The following IVD variants were observed in gnomAD, a reference collection of about 807,000 sequenced individuals.
IVD encodes the protein isovaleryl-CoA dehydrogenase, mitochondrial.
In IVD, 31 loss-of-function variants were observed where a neutral mutation model predicts 51.3. The ratio of observed to expected loss-of-function variants is 0.60; its 90% CI spans 0.45 to 0.81. The LOEUF (loss-of-function observed/expected upper bound fraction) is 0.81. Ranked by LOEUF, IVD falls within the 40% of genes least tolerant of loss-of-function variation. IVD has a pLI of 0.00. For synonymous variants in IVD, 205 were observed against 219.4 expected, an observed-to-expected ratio of 0.93 and a Z score of 0.58; for missense variants, 475 against 552.0, an observed-to-expected ratio of 0.86 and a Z score of 1.40.
At chr15:40,428,972 T>C (rs149435771), downstream of IVD, among the ~76,000 whole-genome samples, 1,179 of 152,266 alleles carry the variant, frequency 7.7e-3, 12 homozygotes, top group Non-Finnish European at 0.012. Flanking sequence ...GTCCCAATTC[T>C]GCATTCCCCT....
rs1891046542 is a variant in IVD at position 40,411,263 on chromosome 15, A to G, written c.460A>G (p.Ile154Val). 1 of 1,614,000 alleles carries G rather than the reference A, an allele frequency of 6.2e-7. No homozygotes were observed. Among genetic ancestry groups the G allele is most frequent in the African/African-American group, 1.3e-5 (1 of 74,906 alleles). The change falls in exon 5 of 12, where the codon ATC (isoleucine) becomes GTC (valine). Residue 154 changes from isoleucine to valine, a missense_variant. Coordinates refer to ENST00000487418, the MANE Select transcript of IVD (RefSeq NM_002225.5). ...CTGTTGGGGGTTTTCCTTGCAGCTG[A>G]TCAGTGGTGAGTACATCGGAGCCCT... ...AQKEKYLPKLISGEYIGALAM... is the reference protein window; with the variant it reads ...AQKEKYLPKLVSGEYIGALAM...
intron 11 of IVD, 67 bp from the exon 12 acceptor site, chr15:40,418,063 G>T: frequency 6.2e-7 from 1 of 1,605,116 alleles, no homozygotes; most frequent in Non-Finnish European, 8.5e-7. Context: ...TATATACTTG[G>T]CATTCTGTTT....
At chr15:40,412,006 A>G (rs542570896) in intron 6 of IVD, among the ~76,000 whole-genome samples, 41 of 152,340 alleles carry the variant, frequency 2.7e-4, no homozygotes, top group Admixed American at 2.4e-3. Context: ...GAATGTGGCC[A>G]TGGGAGACTG....
intron 7 of IVD, chr15:40,433,763 C>A: frequency 2.3e-6 from 1 of 432,852 alleles, no homozygotes; most frequent in Non-Finnish European, 4.7e-6. Flanking sequence ...TAGGCAACTA[C>A]TATTTGCCAG....
exon 8 of IVD, chr15:40,433,876 T>G (rs1291006712): frequency 2.2e-6 from 1 of 456,456 alleles, no homozygotes; most frequent in African/African-American, 2.0e-5. Flanking sequence ...GATCTTGGAG[T>G]GTGTTCAGTA....
intron 10 of IVD, 37 bp downstream of exon 10, chr15:40,416,219 G>A (rs374154195): frequency 1.2e-5 from 19 of 1,612,660 alleles, no homozygotes; most frequent in Non-Finnish European, 1.5e-5. Flanking sequence ...GGCGGGGGCA[G>A]TGGACCAGCT....
chr15:40,434,442 C>T lies in IVD; in HGVS notation c.780+528C>T, dbSNP rs540581770. ...CCAGGTTATGAGAGACCTAGAATGC[C>T]ATCCTTCCTTGGGGCCAGGACTGTG... On this transcript the variant is annotated intron_variant, in intron 8 of 8. Transcript: ENST00000473112. Among the ~76,000 whole-genome samples, 5 of 152,298 alleles carry T rather than the reference C, an allele frequency of 3.3e-5. No individual in the cohort carries two copies. In the East Asian group the frequency reaches 9.6e-4, roughly 29 times the overall value.
Position 40,420,218 on chromosome 15 carries a change from C to T in IVD, c.*1955C>T. ...AAGACTGGCTCCTCCTGTACAGCAC[C>T]TCTGAGCCCTTGTGCACCGCCCTGC... On this transcript the variant is annotated 3_prime_UTR_variant, in exon 12 of 12. Coordinates refer to ENST00000487418, the MANE Select transcript of IVD (RefSeq NM_002225.5). The T allele has an allele frequency of 1.0e-6, 1 of 986,590 alleles. No individual in the cohort carries two copies. The highest frequency in any genetic ancestry group is 1.2e-6 in the Non-Finnish European group (1 of 830,192). 61.1% of individuals were successfully genotyped at this position (986,590 alleles called of 1,614,324 possible).
chr15:40,431,891 C>T (rs764640933), intron 7 of IVD, among the ~76,000 whole-genome samples: 2 of 151,362 alleles, frequency 1.3e-5, no homozygotes, highest in Non-Finnish European at 2.9e-5. Flanking sequence ...TATAAATGCC[C>T]TTATTAGATT....
In IVD at chr15:40,418,236, C is replaced by T; in HGVS notation, c.1245C>T (p.Gly415=). 6.2e-7 allele frequency: 1 copy of T among 1,614,198 alleles called. No homozygotes were observed. The highest frequency in any genetic ancestry group is 1.1e-5 in the South Asian group (1 of 91,076). ...GCGAGGTGAGGCGGCTGGTCATCGGCAGAGCCTTCAATGCAGACTTTCACT... is the reference window on the plus strand; with the variant it reads ...GCGAGGTGAGGCGGCTGGTCATCGGTAGAGCCTTCAATGCAGACTTTCACT... ...GTSEVRRLVI[G]RAFNADFH Residue 415 remains glycine, a synonymous_variant, in exon 12 of 12, where the codon GGC becomes GGT. Transcript: ENST00000487418.
rs1434692410 is a variant in IVD, at chr15:40,420,509, T to G, written c.*2246T>G. The G allele has an allele frequency of 1.0e-6, 1 of 987,540 alleles. No individual in the cohort carries two copies. Among genetic ancestry groups the G allele is most frequent in the Non-Finnish European group, 1.2e-6 (1 of 830,142 alleles). 61.2% of individuals were successfully genotyped at this position (987,540 alleles called of 1,614,324 possible). On this transcript the variant is annotated 3_prime_UTR_variant, in exon 12 of 12. Coordinates refer to ENST00000487418, the MANE Select transcript of IVD (RefSeq NM_002225.5). ...CCTGTCTGGATCCAGCTTGTGTCCT[T>G]GGAGAGTGGCTGGCCCAGGTCCTAT...
In IVD at chr15:40,405,926, G is replaced by A. The variant is rs1026174549; in HGVS notation, c.99G>A (p.Leu33=). The change falls in exon 1 of 12, where the codon TTG becomes TTA. Residue 33 remains leucine, a synonymous_variant. Coordinates refer to ENST00000487418, the MANE Select transcript of IVD (RefSeq NM_002225.5). The part of the protein sequence containing the change: ...GFVSQRAHSL[L]PVDDAINGLS... ...TTTCCCAGCGGGCCCACTCGCTTTT[G>A]CCCGTGGACGATGCAATCAATGGGC... 6 of 1,612,942 alleles carry A rather than the reference G, an allele frequency of 3.7e-6. No homozygotes were observed. In the African/African-American group the frequency reaches 6.7e-5, roughly 18 times the overall value.
Position 40,419,261 on chromosome 15 carries a change from A to C in IVD, c.*998A>C, listed in dbSNP as rs538291553. ...CAAGGTGGTGTGTGCCTGTAATCCC[A>C]GCACTTTGGGAGGCCAAGGCAGGTG... On this transcript the variant is annotated 3_prime_UTR_variant, in exon 12 of 12. Coordinates refer to ENST00000487418, the MANE Select transcript of IVD (RefSeq NM_002225.5). The C allele has an allele frequency of 4.7e-6, 6 of 1,286,452 alleles. No homozygotes were observed. The highest frequency in any genetic ancestry group is 1.2e-5 in the South Asian group (1 of 80,958). 79.7% of individuals were successfully genotyped at this position (1,286,452 alleles called of 1,614,324 possible).
rs372558622 is a variant in IVD at position 40,414,921 on chromosome 15, G to A, written c.817G>A (p.Val273Ile). 82 of 1,614,084 alleles carry A rather than the reference G, an allele frequency of 5.1e-5. No homozygotes were observed. The highest frequency in any genetic ancestry group is 6.8e-5 in the Non-Finnish European group (80 of 1,180,028). The change falls in exon 8 of 12, where the codon GTC (valine) becomes ATC (isoleucine). Residue 273 changes from valine (V) to isoleucine (I), a missense_variant. Val to Ile is a conservative substitution (Grantham distance 29, BLOSUM62 3). Transcript: ENST00000487418. ...ANILGHENKG[V>I]YVLMSGLDLE... is the part of the protein sequence containing the mutation. Reference sequence around the variant, plus strand: ...CATCCTGGGCCATGAGAATAAGGGTGTCTACGTGCTGATGAGTGGGCTGGA... The same window carrying A: ...CATCCTGGGCCATGAGAATAAGGGTATCTACGTGCTGATGAGTGGGCTGGA...
At chr15:40,435,384 G>A in intron 8 of IVD, 1 of 1,057,602 alleles carries the variant, frequency 9.5e-7, no homozygotes, top group Non-Finnish European at 1.2e-6. Context: ...TGGGGTTGTG[G>A]ACAGCGCTAA....
intron 8 of IVD, among the ~76,000 whole-genome samples, chr15:40,434,437 AATGCCAT>A (rs1893153088): frequency 6.6e-6 from 1 of 152,226 alleles, no homozygotes; most frequent in Non-Finnish European, 1.5e-5. Context: ...AGAGACCTAG[AATGCCAT>A]CCTTCCTTGG....
At chr15:40,408,048 C>T in intron 3 of IVD, 58 bp downstream of exon 3, 1 of 1,496,794 alleles carries the variant, frequency 6.7e-7, no homozygotes, top group Non-Finnish European at 9.3e-7. Context: ...TAAGACAGTT[C>T]CCAAAAGAAG....
intron 3 of IVD, among the ~76,000 whole-genome samples, chr15:40,409,585 C>T (rs1452454457): frequency 6.6e-6 from 1 of 152,108 alleles, no homozygotes. Flanking sequence ...CTAGAACGAG[C>T]CTGACTTATT....
intron 8 of IVD, 41 bp downstream of exon 8, chr15:40,415,023 C>T: frequency 6.2e-7 from 1 of 1,607,920 alleles, no homozygotes. Context: ...CTCTGTCGGC[C>T]TCCTCGGCAG....
Sources: allele counts gnomAD v4.1 joint callset (sites outside exome capture counted in the v4.1 genomes callset), GRCh38; gene constraint gnomAD v4.1.1; transcripts MANE v1.5; gene names NCBI Gene and HGNC (gene_info 2026-07-23, HGNC 2026-07-21).